Variants in KCNQ1OT1 observed in about 807,000 individuals in gnomAD.
The protein encoded by KCNQ1OT1 is KCNQ1 opposite strand/antisense transcript 1, also known as KCNQ1 antisense RNA 2 (non-protein coding).
chr11:2,632,704 AT>A (rs1849380659), exon 1 of KCNQ1OT1: 2 of 398,358 alleles, frequency 5.0e-6, no homozygotes, highest in African/African-American at 2.1e-5. Flanking sequence ...GCCTAATTTC[AT>A]TTAACATATT....
exon 1 of KCNQ1OT1, chr11:2,641,793 C>G (rs1489560277): frequency 2.5e-6 from 1 of 398,354 alleles, no homozygotes; most frequent in Non-Finnish European, 4.4e-6. Context: ...AAGTCTTTAA[C>G]CCATCTTGAG....
In KCNQ1OT1 at chr11:2,654,067, A is replaced by G; in HGVS notation, n.45928T>C. ...GGCAGCTGTTGTGGGAATGGCTTTTACACTTTCCATCCATGTCCCTTACTT... is the reference window on the plus strand; with the variant it reads ...GGCAGCTGTTGTGGGAATGGCTTTTGCACTTTCCATCCATGTCCCTTACTT... On this transcript the variant is annotated non_coding_transcript_exon_variant, in exon 1 of 1. Coordinates refer to ENST00000597346, the Ensembl canonical transcript of KCNQ1OT1. This position sits in a 1 kb window ranked among gnomAD's most constrained non-coding sequence, Gnocchi z 6.4. The G allele has an allele frequency of 2.5e-6, 1 of 398,722 alleles. No individual in the cohort carries two copies. The highest frequency in any genetic ancestry group is 1.3e-4 in the South Asian group (1 of 7,866). 24.7% of individuals were successfully genotyped at this position (398,722 alleles called of 1,614,324 possible). A position where few individuals can be genotyped will look rare whatever the true frequency, so the allele number is the denominator to read the frequency against.
chr11:2,627,749 T>A lies in KCNQ1OT1; in HGVS notation n.72246A>T, dbSNP rs1284800454. On this transcript the variant is annotated non_coding_transcript_exon_variant, in exon 1 of 1. Transcript: ENST00000597346. This position sits in a 1 kb window ranked among gnomAD's most constrained non-coding sequence, Gnocchi z 4.9. ...AATTTGGTGATACACACACACACAC[T>A]ATTTTCTTCCTTTCTTTTTGAGACA... 9 of 398,176 alleles carry A rather than the reference T, an allele frequency of 2.3e-5. No individual in the cohort carries two copies. Among genetic ancestry groups the A allele is most frequent in the African/African-American group, 4.1e-5 (2 of 48,476 alleles). 24.7% of individuals were successfully genotyped at this position (398,176 alleles called of 1,614,324 possible).
chr11:2,644,455 A>C, exon 1 of KCNQ1OT1: 1 of 398,322 alleles, frequency 2.5e-6, no homozygotes, highest in Non-Finnish European at 4.4e-6. Context: ...CTCTTGGGCA[A>C]ATTTCTCATT....
At chr11:2,632,864 G>C (rs1018269750) in exon 1 of KCNQ1OT1, 2 of 398,446 alleles carry the variant, frequency 5.0e-6, no homozygotes. Flanking sequence ...GTTGTGAACA[G>C]TACTGCAATA....
At position 2,612,609 on chromosome 11, in the gene KCNQ1OT1, A is replaced by G; in HGVS notation, n.87386T>C. The G allele has an allele frequency of 2.5e-6, 1 of 398,482 alleles. No individual in the cohort carries two copies. 24.7% of individuals were successfully genotyped at this position (398,482 alleles called of 1,614,324 possible). A position where few individuals can be genotyped will look rare whatever the true frequency, so the allele number is the denominator to read the frequency against. The stretch of plus-strand genomic sequence containing the variant: ...TTTGGTTTCTAATTTCTATCTCTAT[A>G]TTGATATTATCTATTTGATGAGTCT... On this transcript the variant is annotated non_coding_transcript_exon_variant, in exon 1 of 1. Coordinates refer to ENST00000597346, the Ensembl canonical transcript of KCNQ1OT1. This position sits in a 1 kb window ranked among gnomAD's most constrained non-coding sequence, Gnocchi z 5.5.
chr11:2,651,826 G>A lies in KCNQ1OT1; in HGVS notation n.48169C>T. ...CATTAGCATTGGAATGGAGCCCACA[G>A]GACCATACCAGACAGATGCCACCAC... On this transcript the variant is annotated non_coding_transcript_exon_variant, in exon 1 of 1. Transcript: ENST00000597346. This position sits in a 1 kb window ranked among gnomAD's most constrained non-coding sequence, Gnocchi z 6.1. 1 of 398,624 alleles carries A rather than the reference G, an allele frequency of 2.5e-6. No homozygotes were observed. 24.7% of individuals were successfully genotyped at this position (398,624 alleles called of 1,614,324 possible).
exon 1 of KCNQ1OT1, chr11:2,666,333 A>G: frequency 2.5e-6 from 1 of 398,610 alleles, no homozygotes. Flanking sequence ...GGTGACTGTG[A>G]GCACCTCCCT....
chr11:2,644,548 A>C (rs746462740), exon 1 of KCNQ1OT1: 41 of 398,230 alleles, frequency 1.0e-4, no homozygotes, highest in Non-Finnish European at 1.1e-4. Flanking sequence ...TCAAGGTTTC[A>C]TCAATTTCTT....
In KCNQ1OT1 at chr11:2,698,940, TC is replaced by T. The variant is rs1339185608; in HGVS notation, n.1054del. ...TGTGGACCCTAGACCCGAATTCTGA[TC>T]CCAACTAGGATACCTAACTCAGAAC... is the stretch of plus-strand genomic sequence containing the variant. On this transcript the variant is annotated non_coding_transcript_exon_variant, in exon 1 of 1. Coordinates refer to ENST00000597346, the Ensembl canonical transcript of KCNQ1OT1. This position sits in a 1 kb window ranked among gnomAD's most constrained non-coding sequence, Gnocchi z 5.1. The T allele has an allele frequency of 2.5e-6, 1 of 398,358 alleles. No homozygotes were observed. The highest frequency in any genetic ancestry group is 4.4e-6 in the Non-Finnish European group (1 of 226,070). The allele number at this position is 398,358 out of a possible 1,614,324, so 24.7% of individuals were successfully genotyped here. A position where few individuals can be genotyped will look rare whatever the true frequency, so the allele number is the denominator to read the frequency against.
At position 2,672,526 on chromosome 11, in the gene KCNQ1OT1, T is replaced by C. The variant is rs73419315; in HGVS notation, n.27469A>G. The C allele has an allele frequency of 3.6e-3, 1,442 of 398,678 alleles. 11 individuals carry two copies. The highest frequency in any genetic ancestry group is 0.022 in the African/African-American group (1,093 of 48,772). 24.7% of individuals were successfully genotyped at this position (398,678 alleles called of 1,614,324 possible). A position where few individuals can be genotyped will look rare whatever the true frequency, so the allele number is the denominator to read the frequency against. On this transcript the variant is annotated non_coding_transcript_exon_variant, in exon 1 of 1. Coordinates refer to ENST00000597346, the Ensembl canonical transcript of KCNQ1OT1. ...AGCTCTGTGCTCCCAGGCCTCTCCA[T>C]TACCAGCCTGTCTTCCACATTGGAA...
At chr11:2,622,939 G>A in exon 1 of KCNQ1OT1, 1 of 398,524 alleles carries the variant, frequency 2.5e-6, no homozygotes, top group Non-Finnish European at 4.4e-6. Context: ...ACATTCTGTG[G>A]GTTTCTACAA....
chr11:2,631,921 G>T, exon 1 of KCNQ1OT1: 1 of 397,272 alleles, frequency 2.5e-6, no homozygotes, highest in Non-Finnish European at 4.4e-6. Flanking sequence ...AGTGGCTCAC[G>T]CCTGTAATCC....
At chr11:2,672,731 A>G (rs1850208738) in exon 1 of KCNQ1OT1, 3 of 398,848 alleles carry the variant, frequency 7.5e-6, no homozygotes, top group Non-Finnish European at 1.3e-5. Flanking sequence ...CCAGACTCCA[A>G]GTTCTATGCT....
chr11:2,628,605 G>A (rs1164347823), exon 1 of KCNQ1OT1: 1 of 398,188 alleles, frequency 2.5e-6, no homozygotes, highest in Admixed American at 4.4e-5. Flanking sequence ...TTTTCATTTT[G>A]TTGTTTCCTT....
Position 2,669,326 on chromosome 11 carries a change from C to G in KCNQ1OT1, n.30669G>C, listed in dbSNP as rs1850140810. 1 of 398,534 alleles carries G rather than the reference C, an allele frequency of 2.5e-6. No homozygotes were observed. The highest frequency in any genetic ancestry group is 1.3e-4 in the South Asian group (1 of 7,860). The allele number at this position is 398,534 out of a possible 1,614,324, so 24.7% of individuals were successfully genotyped here. On this transcript the variant is annotated non_coding_transcript_exon_variant, in exon 1 of 1. Transcript: ENST00000597346. This position sits in a 1 kb window ranked among gnomAD's most constrained non-coding sequence, Gnocchi z 5.6. ...TGCCAGTTGCCATGGAAAGCCTCCT[C>G]TAGGCGCAGCAGCCTCTAGATGGGC...
At position 2,664,417 on chromosome 11, in the gene KCNQ1OT1, G is replaced by A. The variant is rs1337941075; in HGVS notation, n.35578C>T. On this transcript the variant is annotated non_coding_transcript_exon_variant, in exon 1 of 1. Coordinates refer to ENST00000597346, the Ensembl canonical transcript of KCNQ1OT1. The surrounding 1 kb of genome is among the most constrained non-coding windows in gnomAD (Gnocchi z 5.1). ...CTGAAGGGGAGAGTGGGCACGTACA[G>A]TGTCAGGGCCTAGGAACCCAGGCTC... The A allele has an allele frequency of 3.3e-5, 13 of 398,588 alleles. No homozygotes were observed. Among genetic ancestry groups the A allele is most frequent in the Non-Finnish European group, 4.4e-5 (10 of 226,124 alleles). 24.7% of individuals were successfully genotyped at this position (398,588 alleles called of 1,614,324 possible). A position where few individuals can be genotyped will look rare whatever the true frequency, so the allele number is the denominator to read the frequency against.
chr11:2,630,486 C>T (rs1849335535), exon 1 of KCNQ1OT1: 1 of 398,124 alleles, frequency 2.5e-6, no homozygotes, highest in Admixed American at 4.4e-5. Flanking sequence ...TATACTTCCC[C>T]CGCTACATTT....
chr11:2,634,297 C>T (rs1849415268), exon 1 of KCNQ1OT1: 2 of 327,952 alleles, frequency 6.1e-6, no homozygotes, highest in East Asian at 4.6e-5. Context: ...TTAGGTATAT[C>T]TCCTAATGCT....
Sources: gnomAD v4.1 joint callset for allele counts on GRCh38, gnomAD v4.1.1 for gene constraint, Gnocchi (gnomAD v3.1) non-coding constraint, MANE v1.5 for transcripts, NCBI Gene and HGNC (gene_info 2026-07-23, HGNC 2026-07-21) for gene names.